The following DENND5A variants were observed in gnomAD, a reference collection of about 807,000 sequenced individuals.
DENND5A encodes the protein DENN domain containing 5A.
DENND5A carries 64 observed loss-of-function variants against 140.3 expected under a neutral mutation model. That is an observed-to-expected ratio of 0.46 (90% CI 0.37 to 0.56). The LOEUF is 0.56. Ranked by LOEUF, DENND5A falls within the 20% of genes least tolerant of loss-of-function variation. DENND5A has a pLI of 0.00. For missense variants in DENND5A, 1,292 were observed against 1,593.8 expected (o/e 0.81, Z 3.22); for synonymous variants, 605 against 607.7 (o/e 1.00, Z 0.07).
intron 15 of DENND5A, among the ~76,000 whole-genome samples, chr11:9,148,581 A>T (rs956998427): frequency 2.6e-5 from 4 of 152,214 alleles, no homozygotes; most frequent in Admixed American, 2.0e-4. Context: ...AAGAACCTGA[A>T]ACCTGTATGT....
At chr11:9,140,169 G>T (rs1847190640) in intron 22 of DENND5A, 1 of 1,393,200 alleles carries the variant, frequency 7.2e-7, no homozygotes, top group African/African-American at 1.4e-5. Context: ...CCACCACCAG[G>T]AATAATAATA....
Position 9,180,791 on chromosome 11 carries a change from C to T in DENND5A, c.1431G>A (p.Lys477=), listed in dbSNP as rs1848700726. The T allele has an allele frequency of 1.2e-6, 2 of 1,614,206 alleles. No individual in the cohort carries two copies. Among genetic ancestry groups the T allele is most frequent in the Non-Finnish European group, 1.7e-6 (2 of 1,180,018 alleles). ...ETIARLQALV[K]RTGVSLEKLE... Reference sequence around the variant, plus strand: ...CCTTTTCCAGGCTCACCCCAGTTCTCTTGACCAAGGCTTGCAGCCGGGCAA... The same window carrying T: ...CCTTTTCCAGGCTCACCCCAGTTCTTTTGACCAAGGCTTGCAGCCGGGCAA... The change falls in exon 6 of 23, where the codon AAG becomes AAA. Residue 477 remains lysine (K), a synonymous_variant. Coordinates refer to ENST00000328194, the MANE Select transcript of DENND5A (RefSeq NM_015213.4).
intron 20 of DENND5A, 127 bp downstream of exon 20, chr11:9,143,276 C>A: frequency 2.3e-6 from 2 of 852,866 alleles, no homozygotes; most frequent in South Asian, 1.5e-5. Context: ...CTGAGGCACA[C>A]ACTCTACAAG....
At chr11:9,148,783 T>A (rs909466483) in intron 15 of DENND5A, among the ~76,000 whole-genome samples, 8 of 152,264 alleles carry the variant, frequency 5.3e-5, no homozygotes, top group Middle Eastern at 3.4e-3. Context: ...AATATCAGAA[T>A]GGAAATAAAT....
intron 1 of DENND5A, among the ~76,000 whole-genome samples, chr11:9,234,849 T>C (rs1850934598): frequency 6.6e-6 from 1 of 152,202 alleles, no homozygotes; most frequent in Non-Finnish European, 1.5e-5. Context: ...TGCTTATCAC[T>C]GGCTTGCTGT....
At chr11:9,159,791 G>A (rs546194607) in intron 12 of DENND5A, among the ~76,000 whole-genome samples, 1 of 152,316 alleles carries the variant, frequency 6.6e-6, no homozygotes, top group East Asian at 1.9e-4. Context: ...AGCAATGTAT[G>A]AAAGTTCCCA....
chr11:9,164,195 T>A (rs1202747054), intron 11 of DENND5A, among the ~76,000 whole-genome samples: 3 of 1,080 alleles, frequency 2.8e-3, no homozygotes, highest in Non-Finnish European at 7.7e-3. Context: ...CCACGCCTAA[T>A]TTTTTTTTTT....
chr11:9,263,014 T>C (rs1852274582), intron 1 of DENND5A, among the ~76,000 whole-genome samples: 1 of 152,176 alleles, frequency 6.6e-6, no homozygotes, highest in Non-Finnish European at 1.5e-5. Flanking sequence ...GTGCTGGGAT[T>C]ACAGGCGTGA....
Position 9,203,850 on chromosome 11 carries a change from G to C in DENND5A, c.759C>G (p.Leu253=), listed in dbSNP as rs754860994. Residue 253 remains leucine (L), a synonymous_variant, in exon 4 of 23, where the codon CTC becomes CTG. Coordinates refer to ENST00000328194, the MANE Select transcript of DENND5A (RefSeq NM_015213.4). ...ACTTCAAGGACCGGCCAGGAGGTGG[G>C]AGCGGCACCTCGTAGAGTACGTTGT... ...YIYNVLYEVP[L]PPPGRSLKFS... is the part of the protein sequence containing the mutation. 2.5e-6 allele frequency: 4 copies of C among 1,614,200 alleles called. No homozygotes were observed. The highest frequency in any genetic ancestry group is 1.6e-4 in the Middle Eastern group (1 of 6,062).
At chr11:9,152,630 T>C (rs948581729) in intron 12 of DENND5A, among the ~76,000 whole-genome samples, 188 bp from the exon 13 acceptor site, 1 of 151,766 alleles carries the variant, frequency 6.6e-6, no homozygotes, top group African/African-American at 2.4e-5. Flanking sequence ...CAATGGAAGG[T>C]AACAGAAAAA....
At position 9,204,334 on chromosome 11, in the gene DENND5A, G is replaced by C. The variant is rs1406874355; in HGVS notation, c.292-17C>G. 1 of 1,600,394 alleles carries C rather than the reference G, an allele frequency of 6.2e-7. No individual in the cohort carries two copies. The highest frequency in any genetic ancestry group is 8.5e-7 in the Non-Finnish European group (1 of 1,177,296). ...CATACATAGCTGCAAAAGACAACAAGGCAACAAGCAGTGAGAACACTCACT... is the reference window on the plus strand; with the variant it reads ...CATACATAGCTGCAAAAGACAACAACGCAACAAGCAGTGAGAACACTCACT... On this transcript the variant is annotated splice_polypyrimidine_tract_variant and intron_variant, in intron 3 of 22. Coordinates refer to ENST00000328194, the MANE Select transcript of DENND5A (RefSeq NM_015213.4).
intron 1 of DENND5A, 124 bp from the exon 2 acceptor site, chr11:9,207,756 A>T: frequency 6.1e-6 from 4 of 650,452 alleles, no homozygotes; most frequent in Non-Finnish European, 1.0e-5. Flanking sequence ...ATGTATGTGT[A>T]TACATAAATT....
chr11:9,257,003 G>C (rs1023009222), intron 1 of DENND5A, among the ~76,000 whole-genome samples: 1 of 152,072 alleles, frequency 6.6e-6, no homozygotes, highest in Admixed American at 6.6e-5. Flanking sequence ...GGAGTTCTTT[G>C]TTCTATTCAT....
At chr11:9,255,270 A>T (rs997227924) in intron 1 of DENND5A, among the ~76,000 whole-genome samples, 3 of 152,154 alleles carry the variant, frequency 2.0e-5, no homozygotes, top group Admixed American at 6.5e-5. Flanking sequence ...GCTGTTTTGG[A>T]AAACAGACTG....
At chr11:9,146,530 C>T (rs1847437289) in intron 16 of DENND5A, among the ~76,000 whole-genome samples, 1 of 152,234 alleles carries the variant, frequency 6.6e-6, no homozygotes, top group South Asian at 2.1e-4. Flanking sequence ...ACTCTGCTCA[C>T]AGACACATAA....
Position 9,203,957 on chromosome 11 carries a change from C to T in DENND5A, c.652G>A (p.Ala218Thr), listed in dbSNP as rs748066258. Reference protein sequence around the residue: ...CLITPMSFMKACRSVLEQLHQ... With the variant: ...CLITPMSFMKTCRSVLEQLHQ... ...AGTTGCTCCAGCACGCTCCGACATGCCTTCATGAAAGACATGGGTGTGATG... is the reference window on the plus strand; with the variant it reads ...AGTTGCTCCAGCACGCTCCGACATGTCTTCATGAAAGACATGGGTGTGATG... The change falls in exon 4 of 23, where the codon GCA becomes ACA. Residue 218 changes from alanine (A) to threonine (T), a missense_variant. Transcript: ENST00000328194. 2 of 1,614,090 alleles carry T rather than the reference C, an allele frequency of 1.2e-6. No homozygotes were observed. The highest frequency in any genetic ancestry group is 1.7e-6 in the Non-Finnish European group (2 of 1,180,026).
chr11:9,230,867 T>C (rs1469405277), intron 1 of DENND5A, among the ~76,000 whole-genome samples: 1 of 152,050 alleles, frequency 6.6e-6, no homozygotes, highest in East Asian at 1.9e-4. Context: ...CACACATTTG[T>C]AGTCCCAGCT....
intron 1 of DENND5A, among the ~76,000 whole-genome samples, chr11:9,224,228 A>G (rs1300683667): frequency 6.6e-6 from 1 of 152,160 alleles, no homozygotes; most frequent in Non-Finnish European, 1.5e-5. Flanking sequence ...AGCCTAAAAC[A>G]ACATGCCTAA....
At chr11:9,246,991 G>A (rs1379699699) in intron 1 of DENND5A, among the ~76,000 whole-genome samples, 1 of 152,110 alleles carries the variant, frequency 6.6e-6, no homozygotes, top group Non-Finnish European at 1.5e-5. Context: ...AGCACTCTGG[G>A]AGGCCGAGGT....
Sources: allele counts gnomAD v4.1 joint callset (sites outside exome capture counted in the v4.1 genomes callset), GRCh38; gene constraint gnomAD v4.1.1; transcripts MANE v1.5; gene names NCBI Gene and HGNC (gene_info 2026-07-23, HGNC 2026-07-21).